Variants in SOX6 observed in about 807,000 individuals in gnomAD.
The protein encoded by SOX6 is SRY-box transcription factor 6, also known as transcription factor SOX-6.
In SOX6, 11 loss-of-function variants were observed where a neutral mutation model predicts 97.8. The ratio of observed to expected loss-of-function variants is 0.11; its 90% CI spans 0.07 to 0.19. The LOEUF is 0.19. Among genes scored for constraint, SOX6 ranks in the 10% least tolerant of loss-of-function variants. The pLI, the probability that SOX6 is intolerant of heterozygous loss-of-function variation, is 1.00. For missense variants in SOX6, 810 were observed against 1,039.5 expected, an observed-to-expected ratio of 0.78 and a Z score of 3.04; for synonymous variants, 360 against 371.4, an observed-to-expected ratio of 0.97 and a Z score of 0.35.
chr11:16,211,681 G>A (rs1477909606), intron 4 of SOX6, among the ~76,000 whole-genome samples: 1 of 152,102 alleles, frequency 6.6e-6, no homozygotes, highest in Non-Finnish European at 1.5e-5. Context: ...AAAGAGCTAA[G>A]ACCAGGGAGA....
chr11:16,281,082 C>T (rs764556507), intron 3 of SOX6, among the ~76,000 whole-genome samples: 7 of 152,024 alleles, frequency 4.6e-5, no homozygotes, highest in Non-Finnish European at 8.8e-5. Flanking sequence ...TGCAGCTACA[C>T]GAGAGTTAGA....
intron 3 of SOX6, among the ~76,000 whole-genome samples, chr11:16,285,557 A>G (rs540924500): frequency 1.1e-4 from 16 of 152,162 alleles, no homozygotes; most frequent in Non-Finnish European, 1.3e-4. Flanking sequence ...ATATTTATAT[A>G]TATTTTTAGA....
chr11:16,642,303 TGGGTAACCCA>T (rs1413178536), intron 3 of SOX6, among the ~76,000 whole-genome samples: 1 of 152,130 alleles, frequency 6.6e-6, no homozygotes, highest in Non-Finnish European at 1.5e-5. Flanking sequence ...CTTCCCTTTG[TGGGTAACCCA>T]GGGTAACCCA....
chr11:16,694,615 T>C (rs562308091), intron 3 of SOX6, among the ~76,000 whole-genome samples: 28 of 152,368 alleles, frequency 1.8e-4, no homozygotes, highest in Non-Finnish European at 3.4e-4. Flanking sequence ...TATGTAATAG[T>C]ATTTATGTAA....
At chr11:16,278,735 G>A (rs1182241620) in intron 3 of SOX6, among the ~76,000 whole-genome samples, 1 of 151,890 alleles carries the variant, frequency 6.6e-6, no homozygotes, top group African/African-American at 2.4e-5. Flanking sequence ...AAAACCTACA[G>A]GTCACTTTAA....
intron 7 of SOX6, among the ~76,000 whole-genome samples, chr11:16,105,427 G>C (rs1300867057): frequency 6.6e-6 from 1 of 152,100 alleles, no homozygotes; most frequent in East Asian, 1.9e-4. Context: ...AGCTGGCCAA[G>C]TGTGGTGGCA....
At chr11:16,004,476 T>C (rs1379748047) in intron 13 of SOX6, among the ~76,000 whole-genome samples, 1 of 152,050 alleles carries the variant, frequency 6.6e-6, no homozygotes, top group Non-Finnish European at 1.5e-5. Flanking sequence ...AAATACATAT[T>C]ATGGGAGTAG....
chr11:16,168,363 T>A (rs1011310370), intron 6 of SOX6, among the ~76,000 whole-genome samples: 6 of 152,276 alleles, frequency 3.9e-5, no homozygotes, highest in Admixed American at 2.6e-4. Flanking sequence ...TTGGATAACA[T>A]CTTAAATAAT....
At chr11:16,057,856 C>T (rs1380290526) in intron 9 of SOX6, among the ~76,000 whole-genome samples, 1 of 152,108 alleles carries the variant, frequency 6.6e-6, no homozygotes, top group Non-Finnish European at 1.5e-5. Context: ...AAGCCTGACA[C>T]TATTTTGCTT....
At chr11:16,406,007 T>C (rs1858678302) in intron 1 of SOX6, among the ~76,000 whole-genome samples, 1 of 152,054 alleles carries the variant, frequency 6.6e-6, no homozygotes, top group South Asian at 2.1e-4. Flanking sequence ...TGCCTACTTG[T>C]AGGTATTTTC....
intron 6 of SOX6, among the ~76,000 whole-genome samples, chr11:16,159,707 C>T (rs1850694538): frequency 6.6e-6 from 1 of 152,252 alleles, no homozygotes; most frequent in African/African-American, 2.4e-5. Context: ...AAGTTTGTAA[C>T]ATACACATTT....
upstream of SOX6, among the ~76,000 whole-genome samples, chr11:16,480,778 T>C (rs1360475970): frequency 1.3e-5 from 2 of 152,092 alleles, no homozygotes; most frequent in African/African-American, 4.8e-5. Context: ...CTAAAGTGCT[T>C]CCAAAACACC....
chr11:16,144,835 C>A (rs1473526683), intron 6 of SOX6, among the ~76,000 whole-genome samples: 4 of 152,082 alleles, frequency 2.6e-5, no homozygotes, highest in African/African-American at 4.8e-5. Context: ...CAATAACAGG[C>A]TCTGAAATTG....
intron 3 of SOX6, among the ~76,000 whole-genome samples, chr11:16,240,316 G>GTGTGTGT (rs1853150555): frequency 1.3e-4 from 19 of 147,278 alleles, no homozygotes; most frequent in East Asian, 6.1e-4. Flanking sequence ...GTGTGTGTGT[G>GTGTGTGT]GCAGTGGAAG....
At chr11:16,016,102 T>C (rs1291752570) in intron 12 of SOX6, among the ~76,000 whole-genome samples, 4 of 152,078 alleles carry the variant, frequency 2.6e-5, no homozygotes, top group Admixed American at 6.6e-5. Context: ...GGAAACACTC[T>C]GAGTGTTCTC....
chr11:16,426,323 A>T (rs1277932666), intron 1 of SOX6, among the ~76,000 whole-genome samples: 1 of 135,872 alleles, frequency 7.4e-6, no homozygotes. Context: ...CATATGGAAT[A>T]AAAAAAAAAG....
intron 13 of SOX6, among the ~76,000 whole-genome samples, chr11:16,011,366 T>A (rs894353579): frequency 1.3e-5 from 2 of 152,134 alleles, no homozygotes; most frequent in African/African-American, 4.8e-5. Context: ...CCGGCACCAA[T>A]GAATTTGTAG....
chr11:16,547,826 T>A (rs1296770403), intron 4 of SOX6, among the ~76,000 whole-genome samples: 3 of 152,174 alleles, frequency 2.0e-5, no homozygotes, highest in Non-Finnish European at 2.9e-5. Flanking sequence ...AGATGATGGA[T>A]ATCCTAAACA....
intron 4 of SOX6, among the ~76,000 whole-genome samples, chr11:16,595,423 T>C (rs1589999664): frequency 6.6e-6 from 1 of 152,080 alleles, no homozygotes; most frequent in African/African-American, 2.4e-5. Context: ...ACTAAAAATA[T>C]GAAAGAAGGC....
Sources: allele counts gnomAD v4.1 joint callset (sites outside exome capture counted in the v4.1 genomes callset), GRCh38; gene constraint gnomAD v4.1.1; transcripts MANE v1.5; gene names NCBI Gene and HGNC (gene_info 2026-07-23, HGNC 2026-07-21).